The following PALM2AKAP2 variants were observed in gnomAD, a reference collection of about 807,000 sequenced individuals.
PALM2AKAP2 encodes PALM2 and AKAP2 fusion.
Under a neutral mutation model 71.5 loss-of-function variants are expected in PALM2AKAP2, and 37 were observed. That is an observed-to-expected ratio of 0.52 (90% CI 0.40 to 0.68). The LOEUF is 0.68. Ranked by LOEUF, PALM2AKAP2 falls within the 30% of genes least tolerant of loss-of-function variation. The probability of loss-of-function intolerance (pLI) is 0.00; values close to 1 mark genes in which losing one functional copy is unlikely to be tolerated. For missense variants in PALM2AKAP2, 1,224 were observed against 1,191.8 expected (o/e 1.03, Z -0.40); for synonymous variants, 468 against 478.8 (o/e 0.98, Z 0.29).
chr9:109,925,078 T>G (rs777252953), exon 5 of PALM2AKAP2: 1 of 1,614,122 alleles, frequency 6.2e-7, no homozygotes, highest in Middle Eastern at 1.6e-4. Flanking sequence ...CCAGTACGGA[T>G]GGAGGTAAGT....
intron 1 of PALM2AKAP2, among the ~76,000 whole-genome samples, chr9:109,697,627 G>A (rs1273249166): frequency 6.6e-6 from 1 of 151,910 alleles, no homozygotes; most frequent in African/African-American, 2.4e-5. Flanking sequence ...CTGCCCTTAG[G>A]AATAAATTAC....
At chr9:109,671,259 C>T (rs1236138704) in intron 1 of PALM2AKAP2, among the ~76,000 whole-genome samples, 1 of 152,152 alleles carries the variant, frequency 6.6e-6, no homozygotes, top group African/African-American at 2.4e-5. Context: ...TGTCTTTAAT[C>T]CATCTTGAGT....
At chr9:109,919,657 ATATATAT>A (rs1240554248) in intron 3 of PALM2AKAP2, among the ~76,000 whole-genome samples, 1 of 151,930 alleles carries the variant, frequency 6.6e-6, no homozygotes, top group African/African-American at 2.4e-5. Flanking sequence ...ATATATGTGT[ATATATAT>A]TATATAACTG....
intron 7 of PALM2AKAP2, among the ~76,000 whole-genome samples, chr9:110,037,527 G>A (rs1833434902): frequency 6.6e-6 from 1 of 152,166 alleles, no homozygotes; most frequent in African/African-American, 2.4e-5. Context: ...TATTTAATGA[G>A]CACCTACTCT....
intron 1 of PALM2AKAP2, among the ~76,000 whole-genome samples, chr9:109,668,726 T>G (rs932275220): frequency 6.6e-6 from 1 of 152,238 alleles, no homozygotes; most frequent in African/African-American, 2.4e-5. Flanking sequence ...TTTAGTTATA[T>G]GAGGGCTTCC....
intron 2 of PALM2AKAP2, among the ~76,000 whole-genome samples, chr9:110,149,207 C>T (rs113356187): frequency 2.6e-4 from 40 of 152,312 alleles, no homozygotes; most frequent in African/African-American, 9.6e-4. Flanking sequence ...ACTAAACTAG[C>T]TAGTTTGGAG....
intron 1 of PALM2AKAP2, among the ~76,000 whole-genome samples, chr9:109,860,906 A>G (rs1167391954): frequency 6.6e-6 from 1 of 152,244 alleles, no homozygotes; most frequent in East Asian, 1.9e-4. Flanking sequence ...GATTCCCTTT[A>G]GCTCACATGG....
intron 6 of PALM2AKAP2, among the ~76,000 whole-genome samples, chr9:109,954,231 T>C (rs1038413991): frequency 4.6e-5 from 7 of 152,166 alleles, no homozygotes; most frequent in Non-Finnish European, 1.5e-5. Context: ...TTATTGTTGC[T>C]GATGATGGTA....
At chr9:109,662,686 A>G (rs138404717) in intron 1 of PALM2AKAP2, among the ~76,000 whole-genome samples, 75 of 152,326 alleles carry the variant, frequency 4.9e-4, no homozygotes, top group African/African-American at 1.8e-3. Context: ...GCCTCATAAA[A>G]TGAGTTAGGG....
chr9:110,098,451 ATGTAT>A lies in PALM2AKAP2; in HGVS notation c.157-37670_157-37666del, dbSNP rs550349771. On this transcript the variant is annotated intron_variant, in intron 1 of 3. Transcript: ENST00000374525. ...AAGCCTGTGAAAATACTGAAAACTA[ATGTAT>A]TGTATACTTTAAAAGGGTGAATTCA... is the stretch of plus-strand genomic sequence containing the variant. Among the ~76,000 whole-genome samples the A allele has an allele frequency of 3.2e-4, 49 of 152,340 alleles. No homozygotes were observed. The East Asian group carries it at 8.9e-3, about 28-fold the overall frequency.
At chr9:109,982,435 G>A (rs948544892) in intron 6 of PALM2AKAP2, among the ~76,000 whole-genome samples, 22 of 152,214 alleles carry the variant, frequency 1.4e-4, no homozygotes, top group Admixed American at 3.9e-4. Context: ...TTTATTGTAC[G>A]TTTTAAAATA....
rs149909975 is a variant in PALM2AKAP2 at position 109,767,274 on chromosome 9, C to T, written c.6-13214C>T. On this transcript the variant is annotated intron_variant, in intron 1 of 6. Transcript: ENST00000374531. Reference sequence around the variant, plus strand: ...CCCTCCAACCCCAGAGTGAAGGTCTCCTGGCTTTGTCCAAACATTAGTTCC... The same window carrying T: ...CCCTCCAACCCCAGAGTGAAGGTCTTCTGGCTTTGTCCAAACATTAGTTCC... Among the ~76,000 whole-genome samples the T allele has an allele frequency of 2.0e-3, 298 of 152,306 alleles. 6 individuals are homozygous for T. The South Asian group carries it at 0.028, about 14-fold the overall frequency.
At chr9:109,979,176 A>G (rs1832224015) in intron 6 of PALM2AKAP2, among the ~76,000 whole-genome samples, 1 of 152,170 alleles carries the variant, frequency 6.6e-6, no homozygotes, top group African/African-American at 2.4e-5. Flanking sequence ...TATTTTTAGT[A>G]GAGATGGGAT....
chr9:110,056,569 C>A lies in PALM2AKAP2; in HGVS notation c.156+7714C>A, dbSNP rs112464409. Among the ~76,000 whole-genome samples the A allele has an allele frequency of 6.4e-3, 980 of 152,264 alleles. 12 individuals carry two copies. The highest frequency in any genetic ancestry group is 0.047 in the South Asian group (225 of 4,828). ...TTCTAAAGCCATATTTTAGCTTGGC[C>A]TATTAGTATTTTGCATCAGAACATT... On this transcript the variant is annotated intron_variant, in intron 1 of 3. Coordinates refer to ENST00000374525, the Ensembl canonical transcript of PALM2AKAP2.
At chr9:109,836,935 A>G in intron 1 of PALM2AKAP2, among the ~76,000 whole-genome samples, 1 of 152,224 alleles carries the variant, frequency 6.6e-6, no homozygotes. Flanking sequence ...GGAGAATGGA[A>G]CCAAATTGGA....
In PALM2AKAP2 at chr9:109,955,808, G is replaced by T. The variant is rs140210323; in HGVS notation, c.496+23780G>T. On this transcript the variant is annotated intron_variant, in intron 6 of 9. Coordinates refer to the PALM2AKAP2 transcript ENST00000302798. ...CAAAATTAGCTGGGTGTAGTGGTGC[G>T]TATCTGTGGTCCCAGCTATTCAGGA... Among the ~76,000 whole-genome samples, 115 of 152,004 alleles carry T rather than the reference G, an allele frequency of 7.6e-4. 3 individuals carry two copies. In the East Asian group the frequency reaches 0.021, roughly 27 times the overall value.
At chr9:110,016,452 G>A (rs903051492) in intron 7 of PALM2AKAP2, among the ~76,000 whole-genome samples, 3 of 152,180 alleles carry the variant, frequency 2.0e-5, no homozygotes, top group Admixed American at 6.5e-5. Context: ...TGTGAGGAAA[G>A]GTCAGAGAGG....
chr9:110,126,383 A>C (rs188140376), intron 1 of PALM2AKAP2, among the ~76,000 whole-genome samples: 2 of 152,340 alleles, frequency 1.3e-5, no homozygotes, highest in African/African-American at 4.8e-5. Flanking sequence ...TTTATAAAGA[A>C]CTGAAAAACT....
chr9:110,022,352 C>G (rs1690853408), intron 7 of PALM2AKAP2, among the ~76,000 whole-genome samples: 1 of 152,096 alleles, frequency 6.6e-6, no homozygotes, highest in African/African-American at 2.4e-5. Context: ...ATGAAAAGAT[C>G]AAGCTGATAA....
Sources: gnomAD v4.1 joint callset for allele counts (sites outside exome capture counted in the v4.1 genomes callset) on GRCh38, gnomAD v4.1.1 for gene constraint, MANE v1.5 for transcripts, NCBI Gene and HGNC (gene_info 2026-07-23, HGNC 2026-07-21) for gene names.